Variants in JARID2 observed in about 807,000 individuals in gnomAD.
The protein encoded by JARID2 is protein Jumonji.
In JARID2, 21 loss-of-function variants were observed where a neutral mutation model predicts 125.6. The ratio of observed to expected loss-of-function variants is 0.17; its 90% CI spans 0.12 to 0.24. The LOEUF (loss-of-function observed/expected upper bound fraction) is 0.24, where lower values mean the gene tolerates loss of function less well. JARID2 is among the 10% of genes least tolerant of loss of function. JARID2 has a pLI of 1.00. For missense variants in JARID2, 1,303 were observed against 1,639.6 expected (o/e 0.79, Z 3.55); for synonymous variants, 736 against 661.6 (o/e 1.11, Z -1.73).
intron 1 of JARID2, among the ~76,000 whole-genome samples, chr6:15,311,918 T>A (rs1762027818): frequency 6.6e-6 from 1 of 152,186 alleles, no homozygotes; most frequent in Non-Finnish European, 1.5e-5. Context: ...GCCAGAGGTG[T>A]GGCTTTTGGC....
intron 17 of JARID2, among the ~76,000 whole-genome samples, chr6:15,518,816 CAG>C (rs1771689560): frequency 6.6e-6 from 1 of 152,208 alleles, no homozygotes; most frequent in African/African-American, 2.4e-5. Flanking sequence ...ACCTTGTAAA[CAG>C]AGACCATTGC....
At chr6:15,286,054 G>C (rs886770486) in intron 1 of JARID2, among the ~76,000 whole-genome samples, 3 of 151,956 alleles carry the variant, frequency 2.0e-5, no homozygotes, top group Admixed American at 1.3e-4. Context: ...TTTCTTGTTT[G>C]TTTGTTTCCT....
chr6:15,488,560 C>T (rs1187077705), intron 6 of JARID2, among the ~76,000 whole-genome samples: 2 of 152,142 alleles, frequency 1.3e-5, no homozygotes, highest in African/African-American at 2.4e-5. Context: ...GGCAGTGTTG[C>T]AGAGTGACTT....
intron 1 of JARID2, among the ~76,000 whole-genome samples, chr6:15,267,521 T>C (rs1409835916): frequency 3.3e-5 from 5 of 152,224 alleles, no homozygotes; most frequent in South Asian, 2.1e-4. Flanking sequence ...TTTCAAATTA[T>C]AGTAACATGT....
intron 12 of JARID2, chr6:15,509,376 G>T (rs1455403415): frequency 2.0e-6 from 2 of 985,238 alleles, no homozygotes; most frequent in Non-Finnish European, 2.4e-6. Context: ...TAGGACTCGT[G>T]TTCTCCCTCT....
chr6:15,490,847 G>A (rs1305609459), intron 6 of JARID2, among the ~76,000 whole-genome samples: 1 of 152,238 alleles, frequency 6.6e-6, no homozygotes, highest in Admixed American at 6.5e-5. Flanking sequence ...TTTTGTACTT[G>A]TGTAGAAATT....
At chr6:15,419,254 A>T (rs896579571) in intron 3 of JARID2, among the ~76,000 whole-genome samples, 4 of 152,228 alleles carry the variant, frequency 2.6e-5, no homozygotes, top group Admixed American at 2.0e-4. Flanking sequence ...TTTTATAAAT[A>T]AGAGAAGTAC....
rs1201227318 is a variant in JARID2 at position 15,392,823 on chromosome 6, T to G, written c.182-17401T>G. The stretch of plus-strand genomic sequence containing the variant: ...CCTCATCCTCCCAGGTAGCGGGGGT[T>G]ACAGGCGCCCACCATCATGACTGGC... On this transcript the variant is annotated intron_variant, in intron 2 of 17. Coordinates refer to ENST00000341776, the MANE Select transcript of JARID2 (RefSeq NM_004973.4). Among the ~76,000 whole-genome samples the G allele has an allele frequency of 2.6e-5, 4 of 151,886 alleles. No homozygotes were observed. The East Asian group carries it at 7.8e-4, about 29-fold the overall frequency.
chr6:15,460,774 GGCTCACTGCAACCTCC>G (rs1467160847), intron 4 of JARID2, among the ~76,000 whole-genome samples: 4 of 152,086 alleles, frequency 2.6e-5, no homozygotes, highest in Non-Finnish European at 5.9e-5. Context: ...GCGTGATCTC[GGCTCACTGCAACCTCC>G]GCCTCCCATG....
rs779574524 is a variant in JARID2, at chr6:15,508,348, A to G, written c.2740A>G (p.Ile914Val). The G allele has an allele frequency of 2.6e-5, 41 of 1,580,106 alleles. No individual in the cohort carries two copies. Among genetic ancestry groups the G allele is most frequent in the Admixed American group, 3.3e-5 (2 of 59,952 alleles). Residue 914 changes from isoleucine (I) to valine (V), a missense_variant, in exon 12 of 18, where the codon ATT becomes GTT. This residue lies in a region of JARID2 where 27 missense variants were observed against 108.7 expected (regional missense o/e 0.25). Coordinates refer to ENST00000341776, the MANE Select transcript of JARID2 (RefSeq NM_004973.4). ...RHLGAVPGVT[I>V]PWLNIGMVFS... ...CACTCTTTCTGTTTTAGGAGTGACT[A>G]TTCCCTGGCTAAATATTGGCATGGT...
At chr6:15,413,008 G>GGTTTTTT (rs1491143647) in intron 3 of JARID2, among the ~76,000 whole-genome samples, 1 of 47,474 alleles carries the variant, frequency 2.1e-5, no homozygotes, top group Admixed American at 2.8e-4. Flanking sequence ...TTGTGTTTTT[G>GGTTTTTT]TTTTTTTTTT....
intron 17 of JARID2, among the ~76,000 whole-genome samples, chr6:15,518,717 G>A (rs1046987126): frequency 6.6e-6 from 1 of 152,176 alleles, no homozygotes; most frequent in Non-Finnish European, 1.5e-5. Flanking sequence ...CCTGACCTCA[G>A]GTGATCAGCT....
In JARID2 at chr6:15,512,973, T is replaced by C. The variant is rs776286519; in HGVS notation, c.3194T>C (p.Ile1065Thr). 1.9e-6 allele frequency: 3 copies of C among 1,613,528 alleles called. No individual in the cohort carries two copies. Among genetic ancestry groups the C allele is most frequent in the Non-Finnish European group, 8.5e-7 (1 of 1,179,916 alleles). ...TCCATGGAGAAGTTACTCTACCAGA[T>C]TGCACAAGCAGAAGCAAAAAAAGAA... Reference protein sequence around the residue: ...PFSMEKLLYQIAQAEAKKENG... With the variant: ...PFSMEKLLYQTAQAEAKKENG... The change falls in exon 15 of 18, where the codon ATT becomes ACT. Residue 1065 changes from isoleucine to threonine, a missense_variant. Around this residue, in one of 11 missense-constraint regions of JARID2, gnomAD observed 190 missense variants for 341.4 expected, o/e 0.56. Transcript: ENST00000341776.
chr6:15,357,506 C>T (rs1000760743), intron 1 of JARID2, among the ~76,000 whole-genome samples: 4 of 152,076 alleles, frequency 2.6e-5, no homozygotes, highest in African/African-American at 4.8e-5. Context: ...TCTAGATGGA[C>T]AACTGTCTTA....
chr6:15,405,219 CAG>C (rs927948629), intron 2 of JARID2, among the ~76,000 whole-genome samples: 2 of 152,192 alleles, frequency 1.3e-5, no homozygotes, highest in African/African-American at 4.8e-5. Context: ...GCTGCTGTTC[CAG>C]ACTCAGAAGC....
intron 1 of JARID2, among the ~76,000 whole-genome samples, chr6:15,333,313 T>C (rs1762779777): frequency 6.6e-6 from 1 of 152,220 alleles, no homozygotes; most frequent in African/African-American, 2.4e-5. Flanking sequence ...TATGTAATTG[T>C]GGACTATTTT....
intron 7 of JARID2, among the ~76,000 whole-genome samples, chr6:15,498,538 T>C (rs1003300869): frequency 1.3e-5 from 2 of 152,230 alleles, no homozygotes; most frequent in African/African-American, 4.8e-5. Context: ...CCCATCAGTC[T>C]AGACCCATGG....
rs557368432 is a variant in JARID2 at position 15,432,101 on chromosome 6, GA to G, written c.324-19893del. On this transcript the variant is annotated intron_variant, in intron 3 of 17. Coordinates refer to ENST00000341776, the MANE Select transcript of JARID2 (RefSeq NM_004973.4). ...AATTGGACAAAACACACAAAGCAAT[GA>G]AAAAAAAAAAACACAGATTTATTGA... Among the ~76,000 whole-genome samples, 1,418 of 142,230 alleles carry G rather than the reference GA, an allele frequency of 1.0e-2. 14 individuals carry two copies. The highest frequency in any genetic ancestry group is 0.026 in the Admixed American group (374 of 14,204). The allele number at this position is 142,230 out of a possible 152,430, so 93.3% of individuals were successfully genotyped here. A position where few individuals can be genotyped will look rare whatever the true frequency, so the allele number is the denominator to read the frequency against.
intron 1 of JARID2, among the ~76,000 whole-genome samples, chr6:15,355,896 C>T (rs1002366715): frequency 2.0e-5 from 3 of 152,224 alleles, no homozygotes; most frequent in African/African-American, 7.2e-5. Context: ...CAGGCGTGAG[C>T]CAGTGTGCCC....
Sources: gnomAD v4.1 joint callset for allele counts (sites outside exome capture counted in the v4.1 genomes callset) on GRCh38, gnomAD v4.1.1 for gene constraint, gnomAD v4.1.1 regional missense constraint, MANE v1.5 for transcripts, NCBI Gene and HGNC (gene_info 2026-07-23, HGNC 2026-07-21) for gene names.